The following GOLIM4 variants were observed in gnomAD, a reference collection of about 807,000 sequenced individuals.
GOLIM4 encodes golgi integral membrane protein 4, also known as 130 kDa golgi-localized phosphoprotein.
A neutral mutation model predicts 107.4 loss-of-function variants in GOLIM4; 71 were observed. That is an observed-to-expected ratio of 0.66 (90% CI 0.55 to 0.81). GOLIM4 has a LOEUF of 0.81. Among genes scored for constraint, GOLIM4 ranks in the 30% least tolerant of loss-of-function variants. GOLIM4 has a pLI of 0.00. For synonymous variants in GOLIM4, 327 were observed against 294.8 expected (o/e 1.11, Z -1.12); for missense variants, 830 against 826.1 (o/e 1.00, Z -0.06).
chr3:168,043,562 A>G, intron 4 of GOLIM4, 33 bp from the exon 5 acceptor site: 1 of 1,550,280 alleles, frequency 6.5e-7, no homozygotes, highest in Non-Finnish European at 8.7e-7. Context: ...AGAAATATAC[A>G]TTCTCTGAAT....
intron 1 of GOLIM4, among the ~76,000 whole-genome samples, chr3:168,087,669 A>C (rs1256877018): frequency 6.6e-6 from 1 of 152,196 alleles, no homozygotes; most frequent in Non-Finnish European, 1.5e-5. Flanking sequence ...TACTGTCATG[A>C]GAGACACTAA....
chr3:168,055,017 A>G (rs1471272556), intron 1 of GOLIM4, among the ~76,000 whole-genome samples: 2 of 152,196 alleles, frequency 1.3e-5, no homozygotes, highest in African/African-American at 4.8e-5. Context: ...AGGCCTCCCA[A>G]GCCATGTGGA....
chr3:168,060,248 G>A (rs1005769225), intron 1 of GOLIM4, among the ~76,000 whole-genome samples: 1 of 152,126 alleles, frequency 6.6e-6, no homozygotes, highest in Non-Finnish European at 1.5e-5. Context: ...GAGCAGAAAT[G>A]ATGTTGACTT....
chr3:168,044,909 A>G, intron 3 of GOLIM4, 28 bp from the exon 4 acceptor site: 1 of 1,339,684 alleles, frequency 7.5e-7, no homozygotes, highest in Non-Finnish European at 1.0e-6. Context: ...AAAAGAAAAC[A>G]CAAAGATAAA....
chr3:168,092,060 T>C (rs1027945810), intron 1 of GOLIM4, among the ~76,000 whole-genome samples: 4 of 152,208 alleles, frequency 2.6e-5, no homozygotes, highest in Non-Finnish European at 5.9e-5. Context: ...GACTGTTATT[T>C]AATTGGTCTG....
At chr3:168,061,808 C>T (rs189306715) in intron 1 of GOLIM4, among the ~76,000 whole-genome samples, 1 of 152,174 alleles carries the variant, frequency 6.6e-6, no homozygotes, top group Non-Finnish European at 1.5e-5. Context: ...GGGCAGCGGT[C>T]GGGCAATAAC....
chr3:168,045,296 G>A (rs566539459), intron 3 of GOLIM4, among the ~76,000 whole-genome samples: 1 of 152,288 alleles, frequency 6.6e-6, no homozygotes, highest in Non-Finnish European at 1.5e-5. Context: ...GGCCTCACAA[G>A]CTGAGCATGG....
At chr3:168,013,850 A>T (rs1377722102) in intron 14 of GOLIM4, among the ~76,000 whole-genome samples, 2 of 151,578 alleles carry the variant, frequency 1.3e-5, no homozygotes, top group East Asian at 3.9e-4. Context: ...ACGAGAACAA[A>T]GACACAACAT....
chr3:168,035,658 A>C (rs1249245535), intron 8 of GOLIM4, among the ~76,000 whole-genome samples: 1 of 152,196 alleles, frequency 6.6e-6, no homozygotes, highest in African/African-American at 2.4e-5. Context: ...AGGTGGAGGG[A>C]GAGGAGCAGG....
chr3:168,087,419 T>G (rs1721683092), intron 1 of GOLIM4, among the ~76,000 whole-genome samples: 1 of 152,168 alleles, frequency 6.6e-6, no homozygotes, highest in Non-Finnish European at 1.5e-5. Flanking sequence ...CTCCATTACT[T>G]GTCAGGAAAG....
At chr3:168,017,407 T>C (rs953378493) in intron 14 of GOLIM4, among the ~76,000 whole-genome samples, 1 of 152,166 alleles carries the variant, frequency 6.6e-6, no homozygotes, top group Admixed American at 6.6e-5. Flanking sequence ...AGAGGATCGA[T>C]TGAGCTCTGG....
rs551038557 is a variant in GOLIM4 at position 168,034,092 on chromosome 3, TAATAAACTGGGGAGAAA to T, written c.844-1257_844-1241del. Among the ~76,000 whole-genome samples, 7 of 152,314 alleles carry T rather than the reference TAATAAACTGGGGAGAAA, an allele frequency of 4.6e-5. No individual in the cohort carries two copies. The East Asian group carries it at 1.2e-3, about 25-fold the overall frequency. ...TCAAATCTGAGAAATTGGACTGTATTAATAAACTGGGGAGAAAAGTCCTTTCTCAGACATTTGAGGAC... is the reference window on the plus strand; with the variant it reads ...TCAAATCTGAGAAATTGGACTGTATTAGTCCTTTCTCAGACATTTGAGGAC... On this transcript the variant is annotated intron_variant, in intron 8 of 15. Coordinates refer to ENST00000470487, the MANE Select transcript of GOLIM4 (RefSeq NM_014498.5).
intron 1 of GOLIM4, among the ~76,000 whole-genome samples, chr3:168,052,601 C>T (rs1719718683): frequency 6.6e-6 from 1 of 152,082 alleles, no homozygotes; most frequent in Admixed American, 6.5e-5. Flanking sequence ...AATTTCTGTG[C>T]TTGTACCTCT....
chr3:168,010,505 C>A, intron 15 of GOLIM4, 87 bp from the exon 16 acceptor site: 2 of 984,608 alleles, frequency 2.0e-6, no homozygotes, highest in South Asian at 1.6e-5. Flanking sequence ...TGAAAAATTA[C>A]TCATTTTTGG....
intron 1 of GOLIM4, among the ~76,000 whole-genome samples, chr3:168,052,764 A>C (rs1342595089): frequency 5.9e-5 from 9 of 152,126 alleles, no homozygotes; most frequent in Admixed American, 5.9e-4. Context: ...CTTGTCACCT[A>C]TCTCTATTTT....
intron 1 of GOLIM4, among the ~76,000 whole-genome samples, chr3:168,079,768 TTC>T (rs1437864888): frequency 2.0e-5 from 3 of 152,114 alleles, no homozygotes; most frequent in Non-Finnish European, 2.9e-5. Context: ...TAATAGTAAT[TTC>T]TGTCTAGTTT....
intron 9 of GOLIM4, among the ~76,000 whole-genome samples, chr3:168,030,910 C>A (rs554601197): frequency 2.0e-5 from 3 of 152,160 alleles, no homozygotes; most frequent in African/African-American, 7.2e-5. Flanking sequence ...TACTTGCACT[C>A]TCAGGTTTAT....
chr3:168,022,979 C>T (rs1033110472), intron 14 of GOLIM4, among the ~76,000 whole-genome samples: 5 of 152,192 alleles, frequency 3.3e-5, no homozygotes, highest in African/African-American at 1.2e-4. Flanking sequence ...AGCACCATTT[C>T]TCCTTTCCTC....
chr3:168,029,622 A>G (rs1718194339), intron 10 of GOLIM4, among the ~76,000 whole-genome samples, 158 bp downstream of exon 10: 1 of 152,208 alleles, frequency 6.6e-6, no homozygotes, highest in Non-Finnish European at 1.5e-5. Flanking sequence ...AAAATTAAAT[A>G]TTTGGTATTT....
Sources: gnomAD v4.1 joint callset for allele counts (sites outside exome capture counted in the v4.1 genomes callset) on GRCh38, gnomAD v4.1.1 for gene constraint, MANE v1.5 for transcripts, NCBI Gene and HGNC (gene_info 2026-07-23, HGNC 2026-07-21) for gene names.